EXOC4: variants seen among roughly 807,000 people sequenced by gnomAD.
The protein encoded by EXOC4 is SEC8-like 1.
EXOC4 carries 71 observed loss-of-function variants against 107.2 expected under a neutral mutation model. The observed-to-expected ratio is 0.66, with a 90% CI of 0.55 to 0.81. The LOEUF (loss-of-function observed/expected upper bound fraction) is 0.81, where lower values mean the gene tolerates loss of function less well. Among genes scored for constraint, EXOC4 ranks in the 30% least tolerant of loss-of-function variants. The probability of loss-of-function intolerance (pLI) is 0.00; values close to 1 mark genes in which losing one functional copy is unlikely to be tolerated. For missense variants in EXOC4, 1,108 were observed against 1,189.6 expected, an observed-to-expected ratio of 0.93 and a Z score of 1.01; for synonymous variants, 456 against 441.2, an observed-to-expected ratio of 1.03 and a Z score of -0.42.
intron 10 of EXOC4, among the ~76,000 whole-genome samples, chr7:133,713,174 C>G (rs1215664642): frequency 6.6e-6 from 1 of 152,012 alleles, no homozygotes; most frequent in Admixed American, 6.6e-5. Flanking sequence ...TCTGGGAAGA[C>G]AAAGTAAAGG....
chr7:133,638,449 A>G (rs1314100224), intron 10 of EXOC4, among the ~76,000 whole-genome samples: 1 of 152,064 alleles, frequency 6.6e-6, no homozygotes, highest in Non-Finnish European at 1.5e-5. Flanking sequence ...TTACTTTTTT[A>G]TACTTCAGCT....
At chr7:133,376,577 G>A (rs1423729193) in intron 7 of EXOC4, among the ~76,000 whole-genome samples, 1 of 152,176 alleles carries the variant, frequency 6.6e-6, no homozygotes, top group Non-Finnish European at 1.5e-5. Flanking sequence ...TCTTCCTCGT[G>A]AATACTTTCC....
At chr7:133,557,010 A>G (rs1168956953) in intron 9 of EXOC4, among the ~76,000 whole-genome samples, 1 of 152,166 alleles carries the variant, frequency 6.6e-6, no homozygotes, top group African/African-American at 2.4e-5. Flanking sequence ...TATTAGGCAG[A>G]TAGAGGGTGG....
At chr7:133,499,001 C>A (rs974919165) in intron 9 of EXOC4, among the ~76,000 whole-genome samples, 1 of 151,484 alleles carries the variant, frequency 6.6e-6, no homozygotes, top group Non-Finnish European at 1.5e-5. Flanking sequence ...AATTTTATAT[C>A]GTGCTTATTA....
intron 16 of EXOC4, 27 bp downstream of exon 16, chr7:134,005,117 G>A: frequency 6.3e-7 from 1 of 1,588,962 alleles, no homozygotes; most frequent in East Asian, 2.2e-5. Flanking sequence ...GTCTCTGGGA[G>A]TTTGGGAGGA....
Position 133,793,075 on chromosome 7 carries a change from A to G in EXOC4, c.1515-24250A>G, listed in dbSNP as rs1480950413. On this transcript the variant is annotated intron_variant, in intron 10 of 17. Transcript: ENST00000253861. ...CCGCCCATTTTCGTTACCTGTGAAAATAAGCCAATTACTAGAAAAGCAAGC... is the reference window on the plus strand; with the variant it reads ...CCGCCCATTTTCGTTACCTGTGAAAGTAAGCCAATTACTAGAAAAGCAAGC... Among the ~76,000 whole-genome samples, 10 of 152,164 alleles carry G rather than the reference A, an allele frequency of 6.6e-5. No homozygotes were observed. The East Asian group carries it at 1.9e-3, about 29-fold the overall frequency.
intron 7 of EXOC4, among the ~76,000 whole-genome samples, chr7:133,404,530 C>T (rs992304111): frequency 1.3e-5 from 2 of 152,108 alleles, no homozygotes; most frequent in Non-Finnish European, 2.9e-5. Flanking sequence ...TCTTTCTTGC[C>T]TCCAATCTTT....
chr7:133,515,421 A>G (rs1182860497), intron 9 of EXOC4, among the ~76,000 whole-genome samples: 1 of 152,152 alleles, frequency 6.6e-6, no homozygotes, highest in Non-Finnish European at 1.5e-5. Flanking sequence ...ACGTGTATAT[A>G]TGTACACACA....
intron 10 of EXOC4, among the ~76,000 whole-genome samples, chr7:133,735,197 G>A (rs1362670917): frequency 8.2e-6 from 1 of 121,240 alleles, no homozygotes; most frequent in Non-Finnish European, 1.6e-5. Context: ...ACCAGCCTGG[G>A]TGACAGAGGA....
At chr7:133,485,809 C>A (rs962198213) in intron 9 of EXOC4, among the ~76,000 whole-genome samples, 2 of 152,022 alleles carry the variant, frequency 1.3e-5, no homozygotes, top group Admixed American at 6.5e-5. Context: ...ATTTGAGAAA[C>A]CCTAGTGGTT....
chr7:133,731,397 A>C (rs572630719), intron 10 of EXOC4, among the ~76,000 whole-genome samples: 1 of 151,912 alleles, frequency 6.6e-6, no homozygotes, highest in Non-Finnish European at 1.5e-5. Flanking sequence ...TGAATATCCC[A>C]TATCTTTGGC....
intron 3 of EXOC4, among the ~76,000 whole-genome samples, chr7:133,299,642 A>G (rs1170715711): frequency 6.6e-6 from 1 of 152,190 alleles, no homozygotes; most frequent in Non-Finnish European, 1.5e-5. Context: ...TTCGAGTTTT[A>G]TTTTCCGAGA....
At chr7:133,543,966 C>A (rs1275800815) in intron 9 of EXOC4, among the ~76,000 whole-genome samples, 1 of 152,062 alleles carries the variant, frequency 6.6e-6, no homozygotes, top group Non-Finnish European at 1.5e-5. Context: ...TTATTTCTCC[C>A]AGAAATAGCA....
At chr7:133,873,152 A>G (rs1390418972) in intron 11 of EXOC4, among the ~76,000 whole-genome samples, 1 of 152,208 alleles carries the variant, frequency 6.6e-6, no homozygotes, top group African/African-American at 2.4e-5. Flanking sequence ...CTACAAAAAA[A>G]TTTAGCCAGT....
chr7:133,356,709 A>T lies in EXOC4; in HGVS notation c.1007+136A>T, dbSNP rs573588932. 6 of 1,020,300 alleles carry T rather than the reference A, an allele frequency of 5.9e-6. No individual in the cohort carries two copies. The Admixed American group carries it at 1.6e-4, about 27-fold the overall frequency. 63.2% of individuals were successfully genotyped at this position (1,020,300 alleles called of 1,614,324 possible). A position where few individuals can be genotyped will look rare whatever the true frequency, so the allele number is the denominator to read the frequency against. ...ACTATAGCCCATACAGGCCAGGCGC[A>T]GTGGCTCACGCCTGTTATCCCAGCA... On this transcript the variant is annotated intron_variant, in intron 6 of 17. Transcript: ENST00000253861.
At chr7:133,860,150 G>GA (rs1798502274) in intron 11 of EXOC4, among the ~76,000 whole-genome samples, 1 of 152,142 alleles carries the variant, frequency 6.6e-6, no homozygotes, top group South Asian at 2.1e-4. Flanking sequence ...TCCTGCCTCT[G>GA]AAAAAAATCC....
rs574103979 is a variant in EXOC4 at position 133,729,154 on chromosome 7, T to C, written c.1515-88171T>C. ...TGAATTTTCTTCCATTATATTTCCT[T>C]AGAATTAGTTTCAAGAAGACCTAAA... On this transcript the variant is annotated intron_variant, in intron 10 of 17. Coordinates refer to ENST00000253861, the MANE Select transcript of EXOC4 (RefSeq NM_021807.4). Among the ~76,000 whole-genome samples the C allele has an allele frequency of 2.4e-3, 369 of 152,302 alleles. 1 individual carries two copies. The highest frequency in any genetic ancestry group is 6.8e-3 in the Middle Eastern group (2 of 294).
intron 14 of EXOC4, among the ~76,000 whole-genome samples, chr7:133,955,579 C>T (rs1800798961): frequency 6.6e-6 from 1 of 152,238 alleles, no homozygotes. Context: ...GACTGGCAGC[C>T]TGGCCCCCAG....
intron 5 of EXOC4, among the ~76,000 whole-genome samples, chr7:133,355,754 G>A (rs182506012): frequency 1.3e-5 from 2 of 152,158 alleles, no homozygotes; most frequent in East Asian, 3.9e-4. Flanking sequence ...AGAAAAATAG[G>A]TTGTTCTTTT....
Sources: gnomAD v4.1 joint callset for allele counts (sites outside exome capture counted in the v4.1 genomes callset) on GRCh38, gnomAD v4.1.1 for gene constraint, MANE v1.5 for transcripts, NCBI Gene and HGNC (gene_info 2026-07-23, HGNC 2026-07-21) for gene names.